Variants in XPR1 observed in about 807,000 individuals in gnomAD.
XPR1 encodes xenotropic and polytropic retrovirus receptor 1, also known as solute carrier family 53 member 1.
In XPR1, 28 loss-of-function variants were observed where a neutral mutation model predicts 87.5. That is an observed-to-expected ratio of 0.32 (90% CI 0.24 to 0.44). XPR1 has a LOEUF of 0.44. Ranked by LOEUF, XPR1 falls within the 20% of genes least tolerant of loss-of-function variation. XPR1 has a pLI of 1.00. For synonymous variants in XPR1, 300 were observed against 306.1 expected (o/e 0.98, Z 0.21); for missense variants, 559 against 862.3 (o/e 0.65, Z 4.41).
chr1:180,883,934 T>C, intron 14 of XPR1, 72 bp from the exon 15 acceptor site: 1 of 1,330,232 alleles, frequency 7.5e-7, no homozygotes, highest in South Asian at 1.2e-5. Flanking sequence ...ACTGGAAATG[T>C]GTCTAATACT....
intron 1 of XPR1, among the ~76,000 whole-genome samples, chr1:180,644,968 G>A (rs6692545): frequency 0.033 from 5,086 of 151,966 alleles, 189 homozygotes; most frequent in African/African-American, 0.092. Context: ...AGTCTACTCC[G>A]TAATCTGGTT....
At chr1:180,717,552 T>C (rs1391328878) in intron 2 of XPR1, among the ~76,000 whole-genome samples, 1 of 152,124 alleles carries the variant, frequency 6.6e-6, no homozygotes, top group East Asian at 1.9e-4. Context: ...GCTAAAAATA[T>C]GCAAATACCG....
intron 2 of XPR1, among the ~76,000 whole-genome samples, 184 bp from the exon 3 acceptor site, chr1:180,787,569 G>A (rs1215706109): frequency 1.3e-5 from 2 of 152,128 alleles, no homozygotes; most frequent in African/African-American, 4.8e-5. Context: ...ATGAGCCATC[G>A]CACTCGGCCT....
At chr1:180,763,241 TG>T (rs1648121860) in intron 2 of XPR1, among the ~76,000 whole-genome samples, 1 of 152,226 alleles carries the variant, frequency 6.6e-6, no homozygotes, top group South Asian at 2.1e-4. Flanking sequence ...GTGGAAGGTT[TG>T]CAGAAGGAGT....
intron 2 of XPR1, among the ~76,000 whole-genome samples, chr1:180,692,924 T>C (rs564243855): frequency 7.2e-5 from 11 of 152,316 alleles, no homozygotes; most frequent in Non-Finnish European, 1.5e-4. Context: ...GTTTAATGCA[T>C]CTTTAGTGTT....
intron 2 of XPR1, among the ~76,000 whole-genome samples, chr1:180,735,019 G>A (rs554100406): frequency 1.3e-5 from 2 of 152,320 alleles, no homozygotes; most frequent in Middle Eastern, 3.4e-3. Context: ...AGGAATCACA[G>A]AAATAAAAAT....
chr1:180,699,206 TTTC>T (rs1657271183), intron 2 of XPR1, among the ~76,000 whole-genome samples: 2 of 122,062 alleles, frequency 1.6e-5, no homozygotes, highest in African/African-American at 6.2e-5. Context: ...TCTTTTATTC[TTTC>T]TTTTTTTTTT....
intron 3 of XPR1, among the ~76,000 whole-genome samples, chr1:180,797,369 A>T (rs1245534340): frequency 6.6e-6 from 1 of 152,216 alleles, no homozygotes; most frequent in Admixed American, 6.5e-5. Context: ...GTTGTTAAAT[A>T]TGAAAAACTT....
chr1:180,765,204 G>A (rs1264808738), intron 2 of XPR1, among the ~76,000 whole-genome samples: 1 of 152,176 alleles, frequency 6.6e-6, no homozygotes, highest in Admixed American at 6.5e-5. Flanking sequence ...ACTTGTGTGA[G>A]TGCTCAGTGA....
intron 7 of XPR1, among the ~76,000 whole-genome samples, chr1:180,824,145 A>C (rs1054784684): frequency 6.6e-6 from 1 of 152,342 alleles, no homozygotes; most frequent in East Asian, 1.9e-4. Flanking sequence ...CCACTTCACC[A>C]TGATTCTTTG....
intron 1 of XPR1, among the ~76,000 whole-genome samples, chr1:180,674,445 G>A (rs996828964): frequency 2.6e-5 from 4 of 152,004 alleles, no homozygotes; most frequent in African/African-American, 7.2e-5. Context: ...TTTTAGTAGA[G>A]ACAAGGTTTC....
chr1:180,794,505 G>T (rs1276489769), intron 3 of XPR1, among the ~76,000 whole-genome samples: 1 of 152,144 alleles, frequency 6.6e-6, no homozygotes, highest in East Asian at 1.9e-4. Flanking sequence ...CAAATTACAT[G>T]TACTTTTTAA....
At chr1:180,769,038 A>G (rs1364413580) in intron 2 of XPR1, among the ~76,000 whole-genome samples, 2 of 152,184 alleles carry the variant, frequency 1.3e-5, no homozygotes, top group Non-Finnish European at 2.9e-5. Context: ...ATGTTTCTCA[A>G]ATTGTCTGCA....
chr1:180,765,617 C>T (rs543102313), intron 2 of XPR1, among the ~76,000 whole-genome samples: 1 of 152,178 alleles, frequency 6.6e-6, no homozygotes, highest in Non-Finnish European at 1.5e-5. Context: ...TTACATATAA[C>T]ATAAGTACAT....
intron 3 of XPR1, among the ~76,000 whole-genome samples, chr1:180,793,143 A>G (rs934859406): frequency 3.2e-4 from 49 of 152,038 alleles, no homozygotes; most frequent in Non-Finnish European, 2.4e-4. Flanking sequence ...AGGTAATTGC[A>G]TTGGTGTTTT....
At chr1:180,878,847 T>G (rs760172338) in intron 13 of XPR1, among the ~76,000 whole-genome samples, 4 of 152,202 alleles carry the variant, frequency 2.6e-5, no homozygotes, top group Non-Finnish European at 5.9e-5. Context: ...TGGTTCTTCC[T>G]CCTCCCCCCA....
intron 2 of XPR1, among the ~76,000 whole-genome samples, chr1:180,696,206 G>GTATATATATATA (rs1330154532): frequency 8.8e-5 from 9 of 102,086 alleles, no homozygotes; most frequent in South Asian, 3.7e-4. Flanking sequence ...GTGTGTGTGT[G>GTATATATATATA]TGTATATATA....
chr1:180,873,525 G>C (rs1331893754), intron 12 of XPR1, among the ~76,000 whole-genome samples: 2 of 152,152 alleles, frequency 1.3e-5, no homozygotes, highest in Non-Finnish European at 2.9e-5. Flanking sequence ...AGAAAGCCTG[G>C]TATACAGTAT....
intron 2 of XPR1, among the ~76,000 whole-genome samples, chr1:180,693,337 G>A (rs1312892827): frequency 6.6e-6 from 1 of 152,164 alleles, no homozygotes; most frequent in Non-Finnish European, 1.5e-5. Flanking sequence ...ATGAAGTTGT[G>A]ATCAGAGAGT....
Sources: gnomAD v4.1 joint callset for allele counts (sites outside exome capture counted in the v4.1 genomes callset) on GRCh38, gnomAD v4.1.1 for gene constraint, MANE v1.5 for transcripts, NCBI Gene and HGNC (gene_info 2026-07-23, HGNC 2026-07-21) for gene names.